Variants in DAB1 observed in about 807,000 individuals in gnomAD.
DAB1 encodes the protein DAB adaptor protein 1.
DAB1 carries 15 observed loss-of-function variants against 64.6 expected under a neutral mutation model. The observed-to-expected ratio is 0.23, with a 90% CI of 0.16 to 0.36. The LOEUF (loss-of-function observed/expected upper bound fraction) is 0.36. Ranked by LOEUF, DAB1 falls within the 10% of genes least tolerant of loss-of-function variation. The pLI is 1.00. For missense variants in DAB1, 596 were observed against 706.7 expected (o/e 0.84, Z 1.78); for synonymous variants, 235 against 251.9 (o/e 0.93, Z 0.64).
intron 5 of DAB1, among the ~76,000 whole-genome samples, chr1:57,996,675 A>C (rs912743599): frequency 6.6e-6 from 1 of 152,220 alleles, no homozygotes; most frequent in Admixed American, 6.5e-5. Flanking sequence ...GGAAAATTGC[A>C]TCCCCCCTTC....
intron 1 of DAB1, among the ~76,000 whole-genome samples, chr1:57,380,922 A>G (rs776992840): frequency 3.9e-5 from 6 of 152,192 alleles, no homozygotes; most frequent in Non-Finnish European, 8.8e-5. Context: ...TACATTTGAA[A>G]TGTAAGAGTT....
chr1:58,506,824 T>C (rs1242709702), intron 2 of DAB1, among the ~76,000 whole-genome samples: 6 of 152,156 alleles, frequency 3.9e-5, no homozygotes. Context: ...ATTTTCTCAA[T>C]GTATATGGAC....
intron 11 of DAB1, among the ~76,000 whole-genome samples, chr1:57,018,520 A>G (rs771006151): frequency 6.6e-6 from 1 of 152,208 alleles, no homozygotes; most frequent in Non-Finnish European, 1.5e-5. Flanking sequence ...TACATTATCT[A>G]TGAAATTCAT....
At chr1:57,693,969 T>A (rs1646794719) in intron 6 of DAB1, among the ~76,000 whole-genome samples, 1 of 152,190 alleles carries the variant, frequency 6.6e-6, no homozygotes, top group Non-Finnish European at 1.5e-5. Context: ...TTTGATGTGA[T>A]CCATTTGTCC....
chr1:58,333,248 AC>A (rs1663017243), intron 4 of DAB1, among the ~76,000 whole-genome samples: 1 of 152,072 alleles, frequency 6.6e-6, no homozygotes, highest in Admixed American at 6.5e-5. Flanking sequence ...GTGTGCGCCC[AC>A]TCATGGACCA....
intron 6 of DAB1, among the ~76,000 whole-genome samples, chr1:57,713,577 T>C (rs146236466): frequency 3.3e-5 from 5 of 152,268 alleles, no homozygotes; most frequent in Admixed American, 3.3e-4. Context: ...AAAATCCAAA[T>C]GCAAATTGGT....
At chr1:57,510,450 C>T (rs956791268) in intron 7 of DAB1, among the ~76,000 whole-genome samples, 8 of 152,164 alleles carry the variant, frequency 5.3e-5, no homozygotes, top group East Asian at 1.9e-4. Flanking sequence ...TCTATCTATA[C>T]GTTCTCCTTG....
chr1:57,566,219 G>A (rs1645118500), intron 7 of DAB1, among the ~76,000 whole-genome samples: 1 of 152,204 alleles, frequency 6.6e-6, no homozygotes, highest in Non-Finnish European at 1.5e-5. Flanking sequence ...GATGTTCTTT[G>A]AAACCAATGA....
At chr1:58,170,994 C>T (rs1570443053) in intron 4 of DAB1, among the ~76,000 whole-genome samples, 1 of 151,342 alleles carries the variant, frequency 6.6e-6, no homozygotes, top group East Asian at 1.9e-4. Context: ...AGGTCCGTTA[C>T]CATCCGAGGA....
chr1:57,571,845 T>C (rs979275394), intron 7 of DAB1, among the ~76,000 whole-genome samples: 3 of 152,176 alleles, frequency 2.0e-5, no homozygotes, highest in African/African-American at 7.2e-5. Flanking sequence ...AGCAAGTCAC[T>C]GTGGGGAAAG....
intron 6 of DAB1, among the ~76,000 whole-genome samples, chr1:57,737,936 C>G (rs1289936885): frequency 6.6e-6 from 1 of 152,228 alleles, no homozygotes; most frequent in Non-Finnish European, 1.5e-5. Flanking sequence ...CAGCAGGTCA[C>G]TCTAAAAAAC....
At chr1:57,847,295 A>G (rs555899897) in intron 1 of DAB1, among the ~76,000 whole-genome samples, 2 of 152,290 alleles carry the variant, frequency 1.3e-5, no homozygotes, top group African/African-American at 4.8e-5. Flanking sequence ...AAAAAACTAC[A>G]AAGATAAGAT....
chr1:58,468,782 CAT>C (rs1246725084), intron 3 of DAB1: 1 of 154,358 alleles, frequency 6.5e-6, no homozygotes, highest in Non-Finnish European at 1.4e-5. Context: ...GACACCATCT[CAT>C]GTGCAGCAGG....
At chr1:57,386,619 A>G (rs1397452052) in intron 1 of DAB1, 1 of 152,150 alleles carries the variant, frequency 6.6e-6, no homozygotes, top group Non-Finnish European at 1.5e-5. Context: ...CTGAGGCTCA[A>G]AAGATCAAAA....
At chr1:58,039,816 C>T (rs1647106935) in intron 5 of DAB1, among the ~76,000 whole-genome samples, 1 of 152,032 alleles carries the variant, frequency 6.6e-6, no homozygotes, top group African/African-American at 2.4e-5. Context: ...AAGTACCCAT[C>T]TTAATAATTT....
chr1:57,125,401 T>G (rs1657048548), intron 4 of DAB1, among the ~76,000 whole-genome samples: 1 of 152,214 alleles, frequency 6.6e-6, no homozygotes, highest in Admixed American at 6.5e-5. Context: ...ACATAGTACC[T>G]ACTTTCCTTT....
At chr1:57,502,532 C>T (rs555412559) in intron 7 of DAB1, among the ~76,000 whole-genome samples, 26 of 152,164 alleles carry the variant, frequency 1.7e-4, no homozygotes, top group African/African-American at 4.1e-4. Context: ...TATATCTCTC[C>T]GAATAGAATG....
chr1:58,264,990 A>G (rs1661128279), intron 4 of DAB1, among the ~76,000 whole-genome samples: 1 of 152,224 alleles, frequency 6.6e-6, no homozygotes, highest in African/African-American at 2.4e-5. Flanking sequence ...GTATATTACC[A>G]TGTGGCATAA....
intron 7 of DAB1, among the ~76,000 whole-genome samples, chr1:57,604,248 C>T (rs764852626): frequency 2.0e-5 from 3 of 152,208 alleles, no homozygotes; most frequent in Non-Finnish European, 4.4e-5. Flanking sequence ...TGCTTCTAGC[C>T]ACACTGAGCT....
Sources: gnomAD v4.1 joint callset for allele counts (sites outside exome capture counted in the v4.1 genomes callset) on GRCh38, gnomAD v4.1.1 for gene constraint, MANE v1.5 for transcripts, NCBI Gene and HGNC (gene_info 2026-07-23, HGNC 2026-07-21) for gene names.